The following SLC10A7 variants were observed in gnomAD, a reference collection of about 807,000 sequenced individuals.
SLC10A7 encodes sodium/bile acid cotransporter 7.
In SLC10A7, 29 loss-of-function variants were observed where a neutral mutation model predicts 43.2. That is an observed-to-expected ratio of 0.67 (90% CI 0.50 to 0.92). The LOEUF (loss-of-function observed/expected upper bound fraction) is 0.92, where lower values mean the gene tolerates loss of function less well. Ranked by LOEUF, SLC10A7 falls within the 40% of genes least tolerant of loss-of-function variation. The pLI is 0.00. For missense variants in SLC10A7, 295 were observed against 403.2 expected, an observed-to-expected ratio of 0.73 and a Z score of 2.30; for synonymous variants, 152 against 144.8, an observed-to-expected ratio of 1.05 and a Z score of -0.35.
At chr4:146,374,619 T>TACACACACAC (rs59049339) in intron 5 of SLC10A7, among the ~76,000 whole-genome samples, 1 of 123,516 alleles carries the variant, frequency 8.1e-6, no homozygotes, top group Non-Finnish European at 1.7e-5. Context: ...TATATACACA[T>TACACACACAC]ACACACACAC....
rs74404741 is a variant in SLC10A7 at position 146,517,966 on chromosome 4, T to G, written c.101-846A>C. ...TGCATATAAAGTACTTAATAATATA[T>G]TGCTATGACCGTAATTATTATTAAA... On this transcript the variant is annotated intron_variant, in intron 1 of 11. Transcript: ENST00000335472. Among the ~76,000 whole-genome samples, 136 of 152,336 alleles carry G rather than the reference T, an allele frequency of 8.9e-4. 2 individuals carry two copies. The South Asian group carries it at 0.014, about 16-fold the overall frequency.
intron 4 of SLC10A7, among the ~76,000 whole-genome samples, chr4:146,458,697 T>C (rs1184318012): frequency 6.6e-6 from 1 of 151,862 alleles, no homozygotes; most frequent in Non-Finnish European, 1.5e-5. Flanking sequence ...GTTAAACAAC[T>C]TCCTCGTTTT....
At chr4:146,288,118 GACA>G (rs1730155841) in intron 9 of SLC10A7, among the ~76,000 whole-genome samples, 1 of 152,080 alleles carries the variant, frequency 6.6e-6, no homozygotes, top group Non-Finnish European at 1.5e-5. Context: ...CAGTCTTATC[GACA>G]AAAAGTCCAT....
intron 5 of SLC10A7, among the ~76,000 whole-genome samples, chr4:146,378,091 T>G (rs1297436490): frequency 6.6e-6 from 1 of 152,142 alleles, no homozygotes; most frequent in African/African-American, 2.4e-5. Flanking sequence ...AGTATGCGTT[T>G]TAGGTGGAAA....
At chr4:146,360,259 C>T (rs1440176774) in intron 5 of SLC10A7, among the ~76,000 whole-genome samples, 2 of 152,116 alleles carry the variant, frequency 1.3e-5, no homozygotes, top group African/African-American at 4.8e-5. Flanking sequence ...AGTCTCCAAA[C>T]TCCAGTCTAG....
At chr4:146,287,127 C>CGTGTCTGGAGTGGTGAGAAGGACT (rs1560764851) in intron 9 of SLC10A7, among the ~76,000 whole-genome samples, 2 of 116,396 alleles carry the variant, frequency 1.7e-5, no homozygotes, top group South Asian at 3.1e-4. Context: ...TGAGAAGGAC[C>CGTGTCTGGAGTGGTGAGAAGGACT]GTGTCTGGAG....
chr4:146,432,995 GCCACTGCACTC>G (rs1729899883), intron 5 of SLC10A7, among the ~76,000 whole-genome samples: 1 of 150,604 alleles, frequency 6.6e-6, no homozygotes, highest in Non-Finnish European at 1.5e-5. Flanking sequence ...CCGAGATCAC[GCCACTGCACTC>G]CAGCGTGGGT....
At chr4:146,460,369 A>G (rs945513655) in intron 4 of SLC10A7, among the ~76,000 whole-genome samples, 1 of 152,026 alleles carries the variant, frequency 6.6e-6, no homozygotes, top group East Asian at 1.9e-4. Context: ...CTACATTCAC[A>G]CAGACTTGTA....
chr4:146,313,309 C>CA (rs1732105560), intron 6 of SLC10A7, among the ~76,000 whole-genome samples: 1 of 152,206 alleles, frequency 6.6e-6, no homozygotes, highest in African/African-American at 2.4e-5. Flanking sequence ...ACCAGCAGTG[C>CA]AACTGGCCTT....
intron 5 of SLC10A7, among the ~76,000 whole-genome samples, chr4:146,333,134 T>C (rs1463438339): frequency 6.6e-6 from 1 of 152,210 alleles, no homozygotes; most frequent in Non-Finnish European, 1.5e-5. Context: ...GGTTCCTCTC[T>C]AACTTTAATA....
At chr4:146,278,762 C>T (rs1011971895) in intron 10 of SLC10A7, among the ~76,000 whole-genome samples, 2 of 152,150 alleles carry the variant, frequency 1.3e-5, no homozygotes, top group Non-Finnish European at 2.9e-5. Flanking sequence ...TGTCCATCTT[C>T]TCATTGTATG....
intron 4 of SLC10A7, among the ~76,000 whole-genome samples, chr4:146,447,218 A>C (rs1251054086): frequency 6.6e-6 from 1 of 152,228 alleles, no homozygotes; most frequent in East Asian, 1.9e-4. Context: ...GCAAGTTCAG[A>C]GCAGTATGAC....
chr4:146,494,097 T>G (rs753195929), intron 4 of SLC10A7, among the ~76,000 whole-genome samples: 11 of 152,234 alleles, frequency 7.2e-5, no homozygotes, highest in Non-Finnish European at 1.2e-4. Context: ...TGATGCTTAC[T>G]TGATGTGTTC....
At chr4:146,260,623 G>C (rs78402960) in intron 10 of SLC10A7, among the ~76,000 whole-genome samples, 4,113 of 152,274 alleles carry the variant, frequency 0.027, 81 homozygotes, top group Non-Finnish European at 0.041. Flanking sequence ...TAAACAAAAA[G>C]TTCTATTGAT....
intron 10 of SLC10A7, among the ~76,000 whole-genome samples, chr4:146,267,848 T>C (rs938024040): frequency 6.6e-6 from 1 of 152,168 alleles, no homozygotes; most frequent in African/African-American, 2.4e-5. Context: ...TCCAAATTGC[T>C]AAATAGAAAG....
At chr4:146,457,439 A>G (rs112224870) in intron 4 of SLC10A7, among the ~76,000 whole-genome samples, 9,758 of 151,950 alleles carry the variant, frequency 0.064, 372 homozygotes, top group Middle Eastern at 0.095. Flanking sequence ...ATTATTGACT[A>G]TAGTCACCCT....
chr4:146,511,969 C>CTTTTTTTTTTT (rs765683134), intron 2 of SLC10A7, among the ~76,000 whole-genome samples: 1 of 98,860 alleles, frequency 1.0e-5, no homozygotes. Flanking sequence ...TGCATATACT[C>CTTTTTTTTTTT]TTTTTTTTTT....
chr4:146,376,544 G>A (rs1028627528), intron 5 of SLC10A7, among the ~76,000 whole-genome samples: 2 of 152,092 alleles, frequency 1.3e-5, no homozygotes, highest in South Asian at 4.2e-4. Flanking sequence ...ATTGAGAAGA[G>A]TTCAGACAGG....
intron 5 of SLC10A7, among the ~76,000 whole-genome samples, chr4:146,419,288 G>A (rs1728792722): frequency 6.6e-6 from 1 of 152,130 alleles, no homozygotes; most frequent in Non-Finnish European, 1.5e-5. Context: ...CCCAGATCCT[G>A]CAACTATCTA....
Sources: allele counts gnomAD v4.1 joint callset (sites outside exome capture counted in the v4.1 genomes callset), GRCh38; gene constraint gnomAD v4.1.1; transcripts MANE v1.5; gene names NCBI Gene and HGNC (gene_info 2026-07-23, HGNC 2026-07-21).